Variants in CCDC141 observed in about 807,000 individuals in gnomAD.
The protein encoded by CCDC141 is coiled-coil domain-containing protein 141.
CCDC141 carries 168 observed loss-of-function variants against 181.0 expected under a neutral mutation model. The observed-to-expected ratio is 0.93, with a 90% CI of 0.82 to 1.05. The LOEUF (loss-of-function observed/expected upper bound fraction) is 1.05, where lower values mean the gene tolerates loss of function less well. Ranked by LOEUF, CCDC141 falls within the 50% of genes least tolerant of loss-of-function variation. The pLI is 0.00. For missense variants in CCDC141, 1,902 were observed against 1,788.5 expected (o/e 1.06, Z -1.14); for synonymous variants, 666 against 642.3 (o/e 1.04, Z -0.56).
chr2:179,038,451 A>G (rs962208614), intron 2 of CCDC141, among the ~76,000 whole-genome samples: 1 of 152,202 alleles, frequency 6.6e-6, no homozygotes, highest in East Asian at 1.9e-4. Context: ...TGGTTGCACA[A>G]CATTGTGAAT....
intron 3 of CCDC141, 37 bp downstream of exon 3, chr2:178,978,447 T>C (rs1691218909): frequency 1.6e-6 from 2 of 1,286,940 alleles, no homozygotes; most frequent in Admixed American, 7.3e-5. Context: ...TCATTTGCTC[T>C]GATGTGGGGA....
chr2:178,951,744 G>T (rs770765686), intron 5 of CCDC141, among the ~76,000 whole-genome samples: 8 of 152,186 alleles, frequency 5.3e-5, no homozygotes, highest in African/African-American at 9.6e-5. Flanking sequence ...GGTAAAAGGA[G>T]ACCCACAGGC....
At chr2:178,923,572 C>T (rs1403941030) in intron 6 of CCDC141, among the ~76,000 whole-genome samples, 1 of 152,190 alleles carries the variant, frequency 6.6e-6, no homozygotes, top group Non-Finnish European at 1.5e-5. Flanking sequence ...AAACTTCTAA[C>T]AGGGTCTCAG....
chr2:179,031,225 T>C (rs1412839833), intron 2 of CCDC141, among the ~76,000 whole-genome samples: 2 of 151,504 alleles, frequency 1.3e-5, no homozygotes, highest in African/African-American at 4.8e-5. Flanking sequence ...TCTTCTTGAG[T>C]AGTTTTCGTA....
intron 8 of CCDC141, among the ~76,000 whole-genome samples, chr2:178,890,050 A>G (rs1369423892): frequency 6.6e-6 from 1 of 152,198 alleles, no homozygotes. Flanking sequence ...TATATACTGT[A>G]GGCTCCAAGT....
In CCDC141 at chr2:178,837,592, GAC is replaced by G. The variant is rs779927315; in HGVS notation, c.3625_3626del (p.Val1209LeufsTer3). On this transcript the variant is annotated frameshift_variant, in exon 23 of 24. Coordinates refer to ENST00000443758, the MANE Select transcript of CCDC141 (RefSeq NM_173648.4). LOFTEE classifies it high-confidence loss of function. Reference sequence around the variant, plus strand: ...GAGGCAAGGAGATGTCATCAGGTGAGACACACTCATATTCTTCCCCTGAGAGC... The same window carrying G: ...GAGGCAAGGAGATGTCATCAGGTGAGACACTCATATTCTTCCCCTGAGAGC... ...DMLSGEEYEC[V>X]SPDDISLPPL... is the part of the protein sequence containing the mutation. 1 of 1,613,934 alleles carries G rather than the reference GAC, an allele frequency of 6.2e-7. No individual in the cohort carries two copies. Among genetic ancestry groups the G allele is most frequent in the South Asian group, 1.1e-5 (1 of 91,074 alleles).
intron 5 of CCDC141, among the ~76,000 whole-genome samples, chr2:178,949,137 T>C (rs1689848279): frequency 6.6e-6 from 1 of 151,684 alleles, no homozygotes; most frequent in South Asian, 2.1e-4. Flanking sequence ...CCAAAAAGAG[T>C]AGGAAGGTTG....
chr2:178,984,411 C>T lies in CCDC141; in HGVS notation c.226-5736G>A, dbSNP rs559624602. ...ACTAGGAAGAAACTGCATCAACTAA[C>T]GAGCAAAATCACCAGCTAACATCAT... On this transcript the variant is annotated intron_variant, in intron 2 of 23. Transcript: ENST00000443758. Among the ~76,000 whole-genome samples, 182 of 151,400 alleles carry T rather than the reference C, an allele frequency of 1.2e-3. 1 individual carries two copies. Among genetic ancestry groups the T allele is most frequent in the African/African-American group, 3.9e-3 (162 of 41,224 alleles).
At chr2:178,817,863 C>T in the CCDC141 span, among the ~76,000 whole-genome samples, 1 of 133,316 alleles carries the variant, frequency 7.5e-6, no homozygotes, top group Non-Finnish European at 1.6e-5. Flanking sequence ...AGTGCAGTGG[C>T]ACAATCTCCA....
rs376204526 is a variant in CCDC141 at position 178,853,525 on chromosome 2, G to C, written c.3160C>G (p.Gln1054Glu). Reference protein sequence around the residue: ...TKEAVKILHQQFNKFIAPSVP... With the variant: ...TKEAVKILHQEFNKFIAPSVP... The stretch of plus-strand genomic sequence containing the variant: ...GAGGGTGCAATAAACTTATTAAACT[G>C]CTGGTGGAGAATTTTCACAGCTTCC... The change falls in exon 20 of 24, where the codon CAG becomes GAG. Residue 1054 changes from glutamine (Q) to glutamate (E), a missense_variant. Transcript: ENST00000443758. 6.2e-7 allele frequency: 1 copy of C among 1,614,092 alleles called. No individual in the cohort carries two copies. Among genetic ancestry groups the C allele is most frequent in the Non-Finnish European group, 8.5e-7 (1 of 1,179,972 alleles).
intron 5 of CCDC141, among the ~76,000 whole-genome samples, 193 bp downstream of exon 5, chr2:178,961,037 T>C (rs1300999680): frequency 6.6e-6 from 1 of 152,138 alleles, no homozygotes; most frequent in Non-Finnish European, 1.5e-5. Flanking sequence ...AACAGTATAA[T>C]GAAAAAAATG....
intron 16 of CCDC141, among the ~76,000 whole-genome samples, 160 bp downstream of exon 16, chr2:178,867,866 C>A (rs1685922101): frequency 6.6e-6 from 1 of 151,956 alleles, no homozygotes; most frequent in South Asian, 2.1e-4. Context: ...AAAATTTTTT[C>A]TTTTGTCAGA....
chr2:178,985,774 T>C (rs1691697656), intron 2 of CCDC141, among the ~76,000 whole-genome samples: 2 of 152,016 alleles, frequency 1.3e-5, no homozygotes, highest in Non-Finnish European at 2.9e-5. Flanking sequence ...CAGGAAGAAG[T>C]TGAATCTCTG....
the CCDC141 span, among the ~76,000 whole-genome samples, chr2:178,823,666 G>C: frequency 1.3e-5 from 2 of 152,204 alleles, no homozygotes; most frequent in East Asian, 3.9e-4. Flanking sequence ...TAACTTCAAA[G>C]TTCTATTTAG....
chr2:178,819,121 C>T, the CCDC141 span, among the ~76,000 whole-genome samples: 1 of 152,116 alleles, frequency 6.6e-6, no homozygotes, highest in African/African-American at 2.4e-5. Flanking sequence ...CAGATTTAAA[C>T]AGAAGTAATA....
chr2:179,001,634 G>T (rs754573364), intron 2 of CCDC141: 1 of 152,250 alleles, frequency 6.6e-6, no homozygotes, highest in Non-Finnish European at 1.5e-5. Flanking sequence ...ACCTTGGGGG[G>T]CACAGGCAGG....
downstream of CCDC141, among the ~76,000 whole-genome samples, chr2:178,826,987 C>T (rs1684135172): frequency 6.6e-6 from 1 of 152,062 alleles, no homozygotes; most frequent in Non-Finnish European, 1.5e-5. Flanking sequence ...CTAATATATG[C>T]ATTTAATGCT....
chr2:179,030,719 A>G (rs1425139797), intron 2 of CCDC141, among the ~76,000 whole-genome samples: 6 of 152,112 alleles, frequency 3.9e-5, no homozygotes, highest in African/African-American at 1.4e-4. Context: ...ATAAATTTAC[A>G]CACATACCTA....
At chr2:179,049,689 C>T (rs904902873) in intron 1 of CCDC141, 151 bp downstream of exon 1, 28 of 668,888 alleles carry the variant, frequency 4.2e-5, no homozygotes, top group Non-Finnish European at 5.2e-5. Flanking sequence ...AGAGGTTTCT[C>T]TTAGTAGCCC....
Sources: gnomAD v4.1 joint callset for allele counts (sites outside exome capture counted in the v4.1 genomes callset) on GRCh38, gnomAD v4.1.1 for gene constraint, MANE v1.5 for transcripts, NCBI Gene and HGNC (gene_info 2026-07-23, HGNC 2026-07-21) for gene names.